Variants in UBE2K observed in about 807,000 individuals in gnomAD.
The protein encoded by UBE2K is ubiquitin-conjugating enzyme E2 K.
In UBE2K, 6 loss-of-function variants were observed where a neutral mutation model predicts 30.0. The observed-to-expected ratio is 0.20, with a 90% CI of 0.11 to 0.39. The LOEUF (loss-of-function observed/expected upper bound fraction) is 0.39. Among genes scored for constraint, UBE2K ranks in the 10% least tolerant of loss-of-function variants. The pLI is 1.00. For synonymous variants in UBE2K, 86 were observed against 83.7 expected (o/e 1.03, Z -0.15); for missense variants, 61 against 241.6 (o/e 0.25, Z 4.96).
At chr4:39,698,466 C>T in intron 1 of UBE2K, 76 bp downstream of exon 1, 2 of 1,383,374 alleles carry the variant, frequency 1.4e-6, no homozygotes, top group East Asian at 2.5e-5. Context: ...CCCCGATATC[C>T]CCGGTAGTCC....
intron 1 of UBE2K, among the ~76,000 whole-genome samples, chr4:39,702,720 T>C (rs955186042): frequency 9.2e-5 from 14 of 152,240 alleles, no homozygotes; most frequent in African/African-American, 2.9e-4. Context: ...ATCTAGATTA[T>C]TCTGTAATAG....
intron 3 of UBE2K, among the ~76,000 whole-genome samples, chr4:39,746,392 T>C (rs1322117345): frequency 6.6e-6 from 1 of 152,202 alleles, no homozygotes; most frequent in African/African-American, 2.4e-5. Flanking sequence ...TGAACCACTT[T>C]CTTTATGTCT....
At chr4:39,736,358 A>T (rs1720379879) in intron 1 of UBE2K, among the ~76,000 whole-genome samples, 1 of 152,198 alleles carries the variant, frequency 6.6e-6, no homozygotes, top group Admixed American at 6.6e-5. Context: ...GCTACTCAGG[A>T]GGCTGAAGCA....
At chr4:39,770,314 C>T (rs1180689107) in intron 4 of UBE2K, 6 of 1,612,758 alleles carry the variant, frequency 3.7e-6, no homozygotes, top group Non-Finnish European at 5.1e-6. Context: ...GACTTGACAC[C>T]ACGATGCACG....
chr4:39,774,116 G>T (rs2109412504), intron 4 of UBE2K, among the ~76,000 whole-genome samples: 1 of 151,776 alleles, frequency 6.6e-6, no homozygotes, highest in South Asian at 2.1e-4. Flanking sequence ...AGGCAACATG[G>T]CAAAACCCCG....
At chr4:39,744,954 A>G (rs991517322) in intron 2 of UBE2K, among the ~76,000 whole-genome samples, 1 of 149,636 alleles carries the variant, frequency 6.7e-6, no homozygotes, top group Non-Finnish European at 1.5e-5. Context: ...AAATAAATAA[A>G]TGAAGGAATA....
At chr4:39,704,590 A>G (rs1718223587) in intron 1 of UBE2K, among the ~76,000 whole-genome samples, 1 of 152,010 alleles carries the variant, frequency 6.6e-6, no homozygotes, top group South Asian at 2.1e-4. Context: ...CCAAAGCTAG[A>G]ATGCAGTGGC....
At position 39,748,722 on chromosome 4, in the gene UBE2K, C is replaced by T. The variant is rs16995470; in HGVS notation, c.216+2912C>T. ...TTAGAAACATCTTCTTAGGTTCAAC[C>T]CCAATTTGTATTACTGTGACCTCAA... On this transcript the variant is annotated intron_variant, in intron 3 of 6. Transcript: ENST00000261427. 1.6e-3 allele frequency among the ~76,000 whole-genome samples: 240 copies of T among 152,114 alleles called. 1 individual carries two copies. The highest frequency in any genetic ancestry group is 5.4e-3 in the African/African-American group (224 of 41,520).
At chr4:39,710,073 T>G (rs937965796) in intron 1 of UBE2K, 3 of 151,960 alleles carry the variant, frequency 2.0e-5, no homozygotes, top group Non-Finnish European at 4.4e-5. Flanking sequence ...TTTTTAAAAT[T>G]TTTTTATTTT....
intron 2 of UBE2K, among the ~76,000 whole-genome samples, chr4:39,739,442 ATTTTTTTTTT>A (rs35957337): frequency 9.5e-6 from 1 of 105,782 alleles, no homozygotes; most frequent in Non-Finnish European, 1.8e-5. Context: ...CTGTTTATTC[ATTTTTTTTTT>A]TTTTTTTTTT....
At position 39,779,258 on chromosome 4, in the gene UBE2K, G is replaced by A. The variant is rs1713465918; in HGVS notation, c.*824G>A. Reference sequence around the variant, plus strand: ...CAATTTTATTTCTCTTGCAAAAATAGTAAATACTTGATGTTACATTATTCC... The same window carrying A: ...CAATTTTATTTCTCTTGCAAAAATAATAAATACTTGATGTTACATTATTCC... On this transcript the variant is annotated 3_prime_UTR_variant, in exon 7 of 7. Coordinates refer to ENST00000261427, the MANE Select transcript of UBE2K (RefSeq NM_005339.5). 6.6e-6 allele frequency: 1 copy of A among 152,088 alleles called. No homozygotes were observed. The highest frequency in any genetic ancestry group is 2.4e-5 in the African/African-American group (1 of 41,420). 9.4% of individuals were successfully genotyped at this position (152,088 alleles called of 1,614,324 possible).
chr4:39,757,028 TTTTG>T lies in UBE2K; in HGVS notation c.299+1293_299+1296del, dbSNP rs1560370611. Among the ~76,000 whole-genome samples, 5 of 117,732 alleles carry T rather than the reference TTTTG, an allele frequency of 4.2e-5. 1 individual carries two copies. Among genetic ancestry groups the T allele is most frequent in the African/African-American group, 1.3e-4 (3 of 22,920 alleles). The allele number at this position is 117,732 out of a possible 152,430, so 77.2% of individuals were successfully genotyped here. A position where few individuals can be genotyped will look rare whatever the true frequency, so the allele number is the denominator to read the frequency against. ...TTTTTTTTGTTTTTTGTTTTTTGTT[TTTTG>T]TTTTTTTTTTGAGACAGAGTTTCAC... is the stretch of plus-strand genomic sequence containing the variant. On this transcript the variant is annotated intron_variant, in intron 4 of 6. Transcript: ENST00000261427.
intron 4 of UBE2K, among the ~76,000 whole-genome samples, chr4:39,756,479 G>T (rs887845797): frequency 8.5e-5 from 13 of 152,172 alleles, no homozygotes; most frequent in African/African-American, 2.9e-4. Context: ...TTGAGACAGG[G>T]TCTTGCCCTG....
At chr4:39,715,532 A>C (rs1399727787) in intron 1 of UBE2K, among the ~76,000 whole-genome samples, 1 of 150,610 alleles carries the variant, frequency 6.6e-6, no homozygotes, top group African/African-American at 2.4e-5. Context: ...CTGGTCTCCA[A>C]CTCCTGATCT....
chr4:39,716,283 T>C (rs1170647749), intron 1 of UBE2K, among the ~76,000 whole-genome samples: 1 of 152,208 alleles, frequency 6.6e-6, no homozygotes, highest in Non-Finnish European at 1.5e-5. Context: ...TGTCTATCTA[T>C]CATCCAGGCT....
chr4:39,746,689 T>C (rs1386485940), intron 3 of UBE2K, among the ~76,000 whole-genome samples: 2 of 152,222 alleles, frequency 1.3e-5, no homozygotes, highest in Non-Finnish European at 2.9e-5. Flanking sequence ...TTAGATTGTT[T>C]ATTTGTAGGT....
chr4:39,771,470 G>C, intron 4 of UBE2K: 1 of 1,528,812 alleles, frequency 6.5e-7, no homozygotes, highest in Non-Finnish European at 8.8e-7. Flanking sequence ...GCCCGGTTCC[G>C]CGCGCTGTTT....
At chr4:39,777,612 G>A (rs962125756) in intron 5 of UBE2K, 70 bp from the exon 6 acceptor site, 12 of 1,331,756 alleles carry the variant, frequency 9.0e-6, no homozygotes, top group Middle Eastern at 1.9e-4. Context: ...GATTGTAGGC[G>A]ATTAAGAGCT....
intron 1 of UBE2K, among the ~76,000 whole-genome samples, chr4:39,736,768 A>T (rs1243781221): frequency 1.3e-5 from 2 of 152,196 alleles, no homozygotes; most frequent in Non-Finnish European, 2.9e-5. Context: ...TGGTTTTTTG[A>T]AGTAGGTAGT....
Sources: allele counts gnomAD v4.1 joint callset (sites outside exome capture counted in the v4.1 genomes callset), GRCh38; gene constraint gnomAD v4.1.1; transcripts MANE v1.5; gene names NCBI Gene and HGNC (gene_info 2026-07-23, HGNC 2026-07-21).